SLC24A4: variants seen among roughly 807,000 people sequenced by gnomAD.
The protein encoded by SLC24A4 is solute carrier family 24 member 4, also known as sodium/potassium/calcium exchanger 4.
SLC24A4 carries 53 observed loss-of-function variants against 79.0 expected under a neutral mutation model. The ratio of observed to expected loss-of-function variants is 0.67; its 90% CI spans 0.54 to 0.84. The LOEUF is 0.84. Among genes scored for constraint, SLC24A4 ranks in the 40% least tolerant of loss-of-function variants. The pLI is 0.00. For synonymous variants in SLC24A4, 323 were observed against 323.8 expected, an observed-to-expected ratio of 1.00 and a Z score of 0.03; for missense variants, 731 against 822.0, an observed-to-expected ratio of 0.89 and a Z score of 1.35.
chr14:92,463,049 G>A (rs1254080351), intron 12 of SLC24A4, among the ~76,000 whole-genome samples: 3 of 152,190 alleles, frequency 2.0e-5, no homozygotes, highest in Admixed American at 1.3e-4. Flanking sequence ...GTGTTGAATT[G>A]GGTTGAATTA....
intron 2 of SLC24A4, among the ~76,000 whole-genome samples, chr14:92,404,222 C>A (rs1198298447): frequency 6.6e-6 from 1 of 152,242 alleles, no homozygotes; most frequent in African/African-American, 2.4e-5. Flanking sequence ...TCTGGCTGGA[C>A]TATTGCATAG....
chr14:92,460,558 G>GC (rs1252774677), intron 12 of SLC24A4, among the ~76,000 whole-genome samples: 2 of 152,270 alleles, frequency 1.3e-5, no homozygotes, highest in East Asian at 1.9e-4. Context: ...CCTGTTATGT[G>GC]CCAGGTCTGG....
intron 14 of SLC24A4, among the ~76,000 whole-genome samples, chr14:92,488,868 A>G (rs1337659315): frequency 2.0e-5 from 3 of 152,214 alleles, no homozygotes; most frequent in Non-Finnish European, 4.4e-5. Flanking sequence ...TGCAGTTTAA[A>G]CAACTGGCCC....
Position 92,456,436 on chromosome 14 carries a change from G to A in SLC24A4, c.1083G>A (p.Val361=), listed in dbSNP as rs865975197. 1 of 1,614,244 alleles carries A rather than the reference G, an allele frequency of 6.2e-7. No individual in the cohort carries two copies. The change falls in exon 12 of 17, where the codon GTG becomes GTA. Residue 361 remains valine, a synonymous_variant. Transcript: ENST00000532405. ...GACTGATCAACTCGGCCAATGGTGTGAGCAGTAAGCCGCTTCAAAACGGGA... is the reference window on the plus strand; with the variant it reads ...GACTGATCAACTCGGCCAATGGTGTAAGCAGTAAGCCGCTTCAAAACGGGA... ...RQRLINSANG[V]SSKPLQNGRH...
rs987633210 is a variant in SLC24A4, at chr14:92,477,988, G to A, written c.1256-4692G>A. ...CACCCGGCTAATTTTTGTATTTTTA[G>A]TAGAGACAGGGTTTCACCACGTTGG... is the stretch of plus-strand genomic sequence containing the variant. On this transcript the variant is annotated intron_variant, in intron 12 of 16. Transcript: ENST00000532405. 2.0e-5 allele frequency among the ~76,000 whole-genome samples: 3 copies of A among 151,568 alleles called. No homozygotes were observed. The East Asian group carries it at 5.8e-4, about 29-fold the overall frequency.
chr14:92,473,833 T>C (rs754093979), intron 12 of SLC24A4, among the ~76,000 whole-genome samples: 12 of 152,248 alleles, frequency 7.9e-5, no homozygotes, highest in Admixed American at 2.0e-4. Flanking sequence ...CAGGCTCTGA[T>C]TGACTCAGTC....
chr14:92,340,923 G>A (rs1046952463), intron 2 of SLC24A4, among the ~76,000 whole-genome samples: 1 of 152,206 alleles, frequency 6.6e-6, no homozygotes, highest in Non-Finnish European at 1.5e-5. Context: ...ATAGGGGAGA[G>A]CTGATAAAAT....
At position 92,488,158 on chromosome 14, in the gene SLC24A4, G is replaced by A. The variant is rs72631617; in HGVS notation, c.1537+1378G>A. ...GTGATCTCGGCTTACTGCAGCCTCT[G>A]CCCCCTGGGTTCAAGCGGTTCTCCT... On this transcript the variant is annotated intron_variant, in intron 14 of 16. Transcript: ENST00000532405. Among the ~76,000 whole-genome samples, 1,206 of 149,612 alleles carry A rather than the reference G, an allele frequency of 8.1e-3. 62 individuals carry two copies. The East Asian group carries it at 0.15, about 18-fold the overall frequency.
chr14:92,446,036 A>C (rs1892777971), intron 8 of SLC24A4, among the ~76,000 whole-genome samples: 1 of 152,170 alleles, frequency 6.6e-6, no homozygotes, highest in African/African-American at 2.4e-5. Flanking sequence ...GTCCCCCAAA[A>C]CAGATACATA....
chr14:92,430,845 G>T (rs765478227), intron 2 of SLC24A4, among the ~76,000 whole-genome samples: 1 of 152,170 alleles, frequency 6.6e-6, no homozygotes, highest in Non-Finnish European at 1.5e-5. Flanking sequence ...GCAGCTTAAA[G>T]GCTTAAGGAT....
chr14:92,472,901 C>T (rs138938192), intron 12 of SLC24A4, among the ~76,000 whole-genome samples: 7 of 152,288 alleles, frequency 4.6e-5, no homozygotes, highest in African/African-American at 1.4e-4. Flanking sequence ...GACATTCCCA[C>T]CAGCCTGTAG....
At chr14:92,466,660 C>T (rs529999090) in intron 12 of SLC24A4, among the ~76,000 whole-genome samples, 6 of 152,146 alleles carry the variant, frequency 3.9e-5, no homozygotes, top group Non-Finnish European at 8.8e-5. Context: ...CTGTTTAGAT[C>T]GAATCTATGA....
At chr14:92,460,900 A>T (rs1231359448) in intron 12 of SLC24A4, among the ~76,000 whole-genome samples, 2 of 152,156 alleles carry the variant, frequency 1.3e-5, no homozygotes, top group African/African-American at 4.8e-5. Context: ...ACCTGGCCTG[A>T]TGGTGGATTT....
In SLC24A4 at chr14:92,486,672, A is replaced by G. The variant is rs761896798; in HGVS notation, c.1429A>G (p.Ile477Val). The change falls in exon 14 of 17, where the codon ATT becomes GTT. Residue 477 changes from isoleucine (I) to valine (V), a missense_variant. Ile to Val is a conservative substitution (Grantham distance 29). Transcript: ENST00000532405. Reference sequence around the variant, plus strand: ...TCCACCCCACATTCTGCAGGTGACTATTATCGGATACACACTTGGGATCCC... The same window carrying G: ...TCCACCCCACATTCTGCAGGTGACTGTTATCGGATACACACTTGGGATCCC... ...FSYIMVWLVTIIGYTLGIPDV... is the reference protein window; with the variant it reads ...FSYIMVWLVTVIGYTLGIPDV... 5.6e-6 allele frequency: 9 copies of G among 1,611,652 alleles called. No homozygotes were observed. The highest frequency in any genetic ancestry group is 1.7e-4 in the Middle Eastern group (1 of 6,056).
chr14:92,474,363 C>G (rs113447181), intron 12 of SLC24A4, among the ~76,000 whole-genome samples: 1 of 152,290 alleles, frequency 6.6e-6, no homozygotes, highest in African/African-American at 2.4e-5. Context: ...ATGCAAGAAT[C>G]CAGCAGGCCC....
chr14:92,408,506 C>A, intron 2 of SLC24A4: 1 of 881,546 alleles, frequency 1.1e-6, no homozygotes, highest in Non-Finnish European at 1.4e-6. Flanking sequence ...AGGAGTGAGC[C>A]AAGGTAGAAA....
chr14:92,467,893 CT>C (rs1894210639), intron 12 of SLC24A4, among the ~76,000 whole-genome samples: 2 of 152,200 alleles, frequency 1.3e-5, no homozygotes, highest in Non-Finnish European at 1.5e-5. Context: ...CCCAGCCCTG[CT>C]GGACGTAGTG....
chr14:92,348,649 G>A (rs978652497), intron 2 of SLC24A4, among the ~76,000 whole-genome samples: 1 of 152,088 alleles, frequency 6.6e-6, no homozygotes, highest in African/African-American at 2.4e-5. Context: ...TCATTTTCTG[G>A]GATAATTTTT....
At chr14:92,434,012 C>T in intron 3 of SLC24A4, 24 bp downstream of exon 3, 2 of 1,596,220 alleles carry the variant, frequency 1.3e-6, no homozygotes, top group Non-Finnish European at 1.7e-6. Context: ...CCAGAGTGGT[C>T]ACAAAACTTC....
Sources: gnomAD v4.1 joint callset for allele counts (sites outside exome capture counted in the v4.1 genomes callset) on GRCh38, gnomAD v4.1.1 for gene constraint, MANE v1.5 for transcripts, NCBI Gene and HGNC (gene_info 2026-07-23, HGNC 2026-07-21) for gene names.